The following ARHGAP18 variants were observed in gnomAD, a reference collection of about 807,000 sequenced individuals.
The protein encoded by ARHGAP18 is Rho GTPase activating protein 18.
ARHGAP18 carries 67 observed loss-of-function variants against 86.2 expected under a neutral mutation model. The observed-to-expected ratio is 0.78, with a 90% CI of 0.64 to 0.95. ARHGAP18 has a LOEUF of 0.95. Ranked by LOEUF, ARHGAP18 falls within the 40% of genes least tolerant of loss-of-function variation. The pLI, the probability that ARHGAP18 is intolerant of heterozygous loss-of-function variation, is 0.00. For synonymous variants in ARHGAP18, 283 were observed against 280.4 expected, an observed-to-expected ratio of 1.01 and a Z score of -0.09; for missense variants, 691 against 780.4, an observed-to-expected ratio of 0.89 and a Z score of 1.37.
chr6:129,640,660 A>C (rs1261152610), intron 2 of ARHGAP18, among the ~76,000 whole-genome samples: 1 of 152,210 alleles, frequency 6.6e-6, no homozygotes, highest in Non-Finnish European at 1.5e-5. Context: ...TGTGTAGCCA[A>C]GGAAAAAAAT....
chr6:129,618,958 G>A, intron 5 of ARHGAP18, 106 bp from the exon 6 acceptor site: 2 of 1,000,418 alleles, frequency 2.0e-6, no homozygotes, highest in Non-Finnish European at 2.9e-6. Flanking sequence ...CAGAATAAGT[G>A]ATAAGAAAAG....
chr6:129,697,773 A>T (rs1355311374), intron 1 of ARHGAP18, among the ~76,000 whole-genome samples: 1 of 152,226 alleles, frequency 6.6e-6, no homozygotes, highest in Non-Finnish European at 1.5e-5. Flanking sequence ...ATAATAAATA[A>T]AAAATTAACA....
rs562799539 is a variant in ARHGAP18 at position 129,652,507 on chromosome 6, C to T, written c.114-10489G>A. Among the ~76,000 whole-genome samples the T allele has an allele frequency of 2.0e-4, 30 of 152,206 alleles. No individual in the cohort carries two copies. In the South Asian group the frequency reaches 6.2e-3, roughly 32 times the overall value. On this transcript the variant is annotated intron_variant, in intron 1 of 14. Transcript: ENST00000368149. ...CACTAGTGAAGATTAAAGGTTTTTCCACCTCCCCTCATATTCTTGAACTGG... is the reference window on the plus strand; with the variant it reads ...CACTAGTGAAGATTAAAGGTTTTTCTACCTCCCCTCATATTCTTGAACTGG...
chr6:129,599,696 T>C (rs1338961130), intron 11 of ARHGAP18, among the ~76,000 whole-genome samples: 2 of 152,068 alleles, frequency 1.3e-5, no homozygotes, highest in East Asian at 1.9e-4. Flanking sequence ...CCGTAGGTCT[T>C]TCCTTTTGCA....
chr6:129,612,415 A>G (rs1251467168), intron 7 of ARHGAP18, among the ~76,000 whole-genome samples: 2 of 152,196 alleles, frequency 1.3e-5, no homozygotes, highest in African/African-American at 4.8e-5. Context: ...CTAGCATCAT[A>G]TAGGTTTTCC....
At chr6:129,638,955 A>G (rs183594236) in intron 2 of ARHGAP18, among the ~76,000 whole-genome samples, 4 of 152,316 alleles carry the variant, frequency 2.6e-5, no homozygotes, top group East Asian at 3.9e-4. Context: ...ACTTCCATCA[A>G]GTTACAGAAG....
At chr6:129,590,644 C>T (rs140458161) in intron 12 of ARHGAP18, among the ~76,000 whole-genome samples, 23 of 152,272 alleles carry the variant, frequency 1.5e-4, no homozygotes, top group Middle Eastern at 3.4e-3. Context: ...AAGCTACAAA[C>T]GGTAGTCATT....
At chr6:129,695,519 C>T (rs1182723392) in intron 1 of ARHGAP18, among the ~76,000 whole-genome samples, 1 of 152,188 alleles carries the variant, frequency 6.6e-6, no homozygotes, top group African/African-American at 2.4e-5. Context: ...TGGACTTTGC[C>T]TTCAAGCCTC....
intron 12 of ARHGAP18, among the ~76,000 whole-genome samples, chr6:129,598,372 G>A (rs1417709787): frequency 6.6e-6 from 1 of 152,144 alleles, no homozygotes; most frequent in African/African-American, 2.4e-5. Flanking sequence ...GGATCCATAA[G>A]CAGGCCAAAA....
At chr6:129,704,451 C>CA (rs930262447) in intron 1 of ARHGAP18, among the ~76,000 whole-genome samples, 2 of 151,788 alleles carry the variant, frequency 1.3e-5, no homozygotes, top group African/African-American at 4.8e-5. Context: ...TATCTGAAAA[C>CA]AAAAAACAAA....
At chr6:129,587,706 C>T (rs1584023823) in intron 12 of ARHGAP18, among the ~76,000 whole-genome samples, 1 of 152,244 alleles carries the variant, frequency 6.6e-6, no homozygotes, top group South Asian at 2.1e-4. Context: ...TTACCACCCC[C>T]ATGATTCAAT....
intron 1 of ARHGAP18, among the ~76,000 whole-genome samples, chr6:129,659,418 A>AAT (rs1194246133): frequency 1.6e-4 from 24 of 152,204 alleles, no homozygotes; most frequent in African/African-American, 5.8e-4. Context: ...CAAACTGTGG[A>AAT]ACGCAGGTGT....
At position 129,678,479 on chromosome 6, in the gene ARHGAP18, A is replaced by G. The variant is rs185190006; in HGVS notation, c.113+31545T>C. Among the ~76,000 whole-genome samples, 42 of 152,330 alleles carry G rather than the reference A, an allele frequency of 2.8e-4. No individual in the cohort carries two copies. The South Asian group carries it at 3.9e-3, about 14-fold the overall frequency. Reference sequence around the variant, plus strand: ...TTATGGAGATATAGCAACCAAATACATTGTAATTTGGAAACAAAACCATGT... The same window carrying G: ...TTATGGAGATATAGCAACCAAATACGTTGTAATTTGGAAACAAAACCATGT... On this transcript the variant is annotated intron_variant, in intron 1 of 14. Coordinates refer to ENST00000368149, the MANE Select transcript of ARHGAP18 (RefSeq NM_033515.3).
intron 5 of ARHGAP18, among the ~76,000 whole-genome samples, chr6:129,628,502 AGGTATCTTTTTATAAT>A (rs937473247): frequency 1.3e-5 from 2 of 152,190 alleles, no homozygotes; most frequent in African/African-American, 2.4e-5. Flanking sequence ...CACATAGGAA[AGGTATCTTTTTATAAT>A]GGGGAGATCT....
intron 12 of ARHGAP18, among the ~76,000 whole-genome samples, chr6:129,592,196 C>G (rs1788530328): frequency 6.6e-6 from 1 of 152,168 alleles, no homozygotes; most frequent in Non-Finnish European, 1.5e-5. Flanking sequence ...ATCTGATTTT[C>G]CACTTGGGTC....
intron 13 of ARHGAP18, among the ~76,000 whole-genome samples, chr6:129,581,993 T>C (rs1355765157): frequency 6.6e-6 from 1 of 152,056 alleles, no homozygotes; most frequent in African/African-American, 2.4e-5. Context: ...AAAGAGATGA[T>C]AAAAACTAAC....
chr6:129,702,985 G>A (rs779424458), intron 1 of ARHGAP18, among the ~76,000 whole-genome samples: 1 of 143,404 alleles, frequency 7.0e-6, no homozygotes, highest in Non-Finnish European at 1.5e-5. Context: ...GTGACAGAGC[G>A]AGACTCCATC....
chr6:129,706,218 G>A (rs17468169), intron 1 of ARHGAP18, among the ~76,000 whole-genome samples: 1,569 of 152,164 alleles, frequency 0.01, 17 homozygotes, highest in Middle Eastern at 0.027. Flanking sequence ...AATATTCTTC[G>A]AAAAAATTCT....
intron 1 of ARHGAP18, 149 bp from the exon 2 acceptor site, chr6:129,642,167 C>T: frequency 1.5e-6 from 1 of 684,892 alleles, no homozygotes; most frequent in Non-Finnish European, 2.4e-6. Flanking sequence ...GAACAGTTTA[C>T]TATGGATTAT....
Sources: gnomAD v4.1 joint callset for allele counts (sites outside exome capture counted in the v4.1 genomes callset) on GRCh38, gnomAD v4.1.1 for gene constraint, MANE v1.5 for transcripts, NCBI Gene and HGNC (gene_info 2026-07-23, HGNC 2026-07-21) for gene names.